Variants in GOLM1 observed in about 807,000 individuals in gnomAD.
GOLM1 encodes the protein golgi membrane protein 1.
GOLM1 carries 31 observed loss-of-function variants against 50.5 expected under a neutral mutation model. The observed-to-expected ratio is 0.61, with a 90% confidence interval of 0.46 to 0.83. The LOEUF (loss-of-function observed/expected upper bound fraction) is 0.83. GOLM1 is among the 40% of genes least tolerant of loss of function. The pLI is 0.00. For missense variants in GOLM1, 491 were observed against 501.3 expected, an observed-to-expected ratio of 0.98 and a Z score of 0.20; for synonymous variants, 178 against 192.8, an observed-to-expected ratio of 0.92 and a Z score of 0.64.
chr9:86,099,091 CAA>C (rs913648059), intron 1 of GOLM1, among the ~76,000 whole-genome samples: 14 of 152,164 alleles, frequency 9.2e-5, no homozygotes, highest in Admixed American at 9.2e-4. Context: ...AAGCTCAGAA[CAA>C]AAAGACAGGC....
At chr9:86,054,784 G>A (rs1715006032) in intron 3 of GOLM1, among the ~76,000 whole-genome samples, 1 of 152,124 alleles carries the variant, frequency 6.6e-6, no homozygotes, top group South Asian at 2.1e-4. Flanking sequence ...AAAAAAGCAG[G>A]GAACAGAATA....
intron 3 of GOLM1, among the ~76,000 whole-genome samples, chr9:86,074,619 T>C (rs1435592118): frequency 6.6e-6 from 1 of 152,182 alleles, no homozygotes; most frequent in Non-Finnish European, 1.5e-5. Context: ...AGGGTCTAGG[T>C]GTCATCCTGG....
chr9:86,030,945 G>C (rs1832957592), intron 9 of GOLM1, among the ~76,000 whole-genome samples: 1 of 152,174 alleles, frequency 6.6e-6, no homozygotes, highest in Non-Finnish European at 1.5e-5. Context: ...AGCCAGACGT[G>C]GTGGCTTACG....
At chr9:86,095,198 C>T (rs1835319692) in intron 1 of GOLM1, among the ~76,000 whole-genome samples, 2 of 152,040 alleles carry the variant, frequency 1.3e-5, no homozygotes, top group South Asian at 4.2e-4. Flanking sequence ...TATTTTTGTA[C>T]ACTGCCCACA....
chr9:86,067,084 C>T (rs1331105868), intron 3 of GOLM1, among the ~76,000 whole-genome samples: 1 of 152,170 alleles, frequency 6.6e-6, no homozygotes, highest in African/African-American at 2.4e-5. Flanking sequence ...TACAGGCATG[C>T]ACCACCACAC....
intron 1 of GOLM1, among the ~76,000 whole-genome samples, chr9:86,096,312 G>A (rs560039716): frequency 4.6e-4 from 70 of 151,814 alleles, no homozygotes; most frequent in African/African-American, 1.7e-3. Context: ...CATATTATCT[G>A]TGGCTACTGG....
intron 7 of GOLM1, 46 bp from the exon 8 acceptor site, chr9:86,035,671 T>TAAAAAAAA (rs375193474): frequency 2.3e-6 from 2 of 873,128 alleles, no homozygotes; most frequent in African/African-American, 2.4e-5. Flanking sequence ...GCATTTGATT[T>TAAAAAAAA]AAAAAAAAAA....
chr9:86,094,298 G>A (rs997584363), intron 1 of GOLM1, among the ~76,000 whole-genome samples: 1 of 152,170 alleles, frequency 6.6e-6, no homozygotes, highest in Non-Finnish European at 1.5e-5. Context: ...AGGGTATTGT[G>A]AGGATTAAAC....
chr9:86,063,590 G>C (rs1312688763), intron 3 of GOLM1, among the ~76,000 whole-genome samples: 1 of 152,168 alleles, frequency 6.6e-6, no homozygotes, highest in Admixed American at 6.5e-5. Context: ...GCCAGAGACG[G>C]TAAGTGAAAA....
rs552974943 is a variant in GOLM1 at position 86,040,387 on chromosome 9, T to C, written c.597+352A>G. On this transcript the variant is annotated intron_variant, in intron 6 of 9. Transcript: ENST00000388712. ...CATGGAGTCGGCCAGACCTGAGGTC[T>C]TGATGGGCTCTACCACTGACCAGGT... Among the ~76,000 whole-genome samples the C allele has an allele frequency of 7.9e-5, 12 of 152,328 alleles. No homozygotes were observed. In the South Asian group the frequency reaches 2.3e-3, roughly 29 times the overall value.
intron 2 of GOLM1, 80 bp downstream of exon 2, chr9:86,079,112 C>T: frequency 1.5e-6 from 2 of 1,315,280 alleles, no homozygotes; most frequent in Non-Finnish European, 2.0e-6. Flanking sequence ...CAATAAACAA[C>T]AAACCCCTGG....
At chr9:86,035,684 A>C (rs1833110595) in intron 7 of GOLM1, 59 bp from the exon 8 acceptor site, 2 of 1,473,680 alleles carry the variant, frequency 1.4e-6, no homozygotes, top group Admixed American at 2.2e-5. Flanking sequence ...AAAAAAAAAA[A>C]AAAAAAAAAG....
chr9:86,063,351 T>C (rs922312607), intron 3 of GOLM1, among the ~76,000 whole-genome samples: 2 of 152,206 alleles, frequency 1.3e-5, no homozygotes, highest in African/African-American at 4.8e-5. Context: ...ACTGGGGGTT[T>C]CCATTTTCAA....
At chr9:86,045,803 G>A (rs1278579312) in intron 5 of GOLM1, among the ~76,000 whole-genome samples, 1 of 152,092 alleles carries the variant, frequency 6.6e-6, no homozygotes, top group Middle Eastern at 3.2e-3. Context: ...GCATGGACTG[G>A]AGAGAGGTAA....
intron 1 of GOLM1, among the ~76,000 whole-genome samples, chr9:86,097,376 T>TA (rs1835382717): frequency 6.6e-6 from 1 of 152,180 alleles, no homozygotes; most frequent in African/African-American, 2.4e-5. Context: ...GAAGTGCTTT[T>TA]AAAAAATCCC....
rs1833148588 is a variant in GOLM1 at position 86,036,418 on chromosome 9, A to G, written c.687T>C (p.Gly229=). 6.2e-7 allele frequency: 1 copy of G among 1,614,004 alleles called. No individual in the cohort carries two copies. Among genetic ancestry groups the G allele is most frequent in the Non-Finnish European group, 8.5e-7 (1 of 1,180,006 alleles). ...GGGCTGGTGTCTGGGACTTGCTGTT[A>G]CCAAGCACGTTTCCCTTCCCTTGTG... The part of the protein sequence containing the change: ...EVPQGKGNVL[G]NSKSQTPAPS... The change falls in exon 7 of 10, where the codon GGT becomes GGC. Residue 229 remains glycine (G), a synonymous_variant. Transcript: ENST00000388712.
intron 9 of GOLM1, among the ~76,000 whole-genome samples, chr9:86,029,147 A>G (rs140885835): frequency 6.6e-5 from 10 of 152,126 alleles, no homozygotes; most frequent in African/African-American, 1.9e-4. Flanking sequence ...GTGAGCAACC[A>G]CGCCCAGCTG....
rs924697626 is a variant in GOLM1 at position 86,041,678 on chromosome 9, G to A, written c.468-810C>T. 4.6e-5 allele frequency among the ~76,000 whole-genome samples: 7 copies of A among 152,252 alleles called. No individual in the cohort carries two copies. In the South Asian group the frequency reaches 8.3e-4, roughly 18 times the overall value. ...CAAATTATCAAACTGAGGGGGTGGC[G>A]GGTAACCCTAAAGCTGTAGCCAGCC... On this transcript the variant is annotated intron_variant, in intron 5 of 9. Coordinates refer to ENST00000388712, the MANE Select transcript of GOLM1 (RefSeq NM_016548.4).
chr9:86,099,327 C>T (rs1835456786), intron 1 of GOLM1, 84 bp downstream of exon 1: 1 of 152,184 alleles, frequency 6.6e-6, no homozygotes, highest in Non-Finnish European at 1.5e-5. Flanking sequence ...GGTCTCGGCG[C>T]GCGGGGTACG....
Sources: gnomAD v4.1 joint callset for allele counts (sites outside exome capture counted in the v4.1 genomes callset) on GRCh38, gnomAD v4.1.1 for gene constraint, MANE v1.5 for transcripts, NCBI Gene and HGNC (gene_info 2026-07-23, HGNC 2026-07-21) for gene names.